Variants in LUZP2 observed in about 807,000 individuals in gnomAD.
LUZP2 encodes leucine zipper protein 2.
A neutral mutation model predicts 51.6 loss-of-function variants in LUZP2; 52 were observed. That is an observed-to-expected ratio of 1.01 (90% confidence interval 0.81 to 1.27). The LOEUF is 1.27. Ranked by LOEUF, LUZP2 falls within the 50% of genes most tolerant of loss-of-function variation. The pLI is 0.00. For missense variants in LUZP2, 436 were observed against 395.4 expected, an observed-to-expected ratio of 1.10 and a Z score of -0.87; for synonymous variants, 154 against 137.3, an observed-to-expected ratio of 1.12 and a Z score of -0.85.
chr11:24,676,833 T>G (rs1043168821), intron 1 of LUZP2, among the ~76,000 whole-genome samples: 1 of 151,916 alleles, frequency 6.6e-6, no homozygotes, highest in South Asian at 2.1e-4. Flanking sequence ...CTGGCTAATG[T>G]TTTTTATATT....
chr11:24,772,557 G>T (rs34807895), intron 5 of LUZP2, among the ~76,000 whole-genome samples: 12,196 of 152,110 alleles, frequency 0.08, 1,054 homozygotes, highest in African/African-American at 0.22. Flanking sequence ...TCTGTGAAAT[G>T]TTAGTCAACT....
chr11:25,035,921 C>A (rs7944787), intron 9 of LUZP2, among the ~76,000 whole-genome samples: 72,916 of 151,764 alleles, frequency 0.48, 17,824 homozygotes, highest in Non-Finnish European at 0.51. Context: ...TATTGGCCTA[C>A]ATTTTTTGTT....
At chr11:24,764,495 A>G (rs1035524311) in intron 5 of LUZP2, among the ~76,000 whole-genome samples, 1 of 126,690 alleles carries the variant, frequency 7.9e-6, no homozygotes, top group Admixed American at 7.6e-5. Flanking sequence ...ATCTCTAAAA[A>G]AAAAAAAAAA....
chr11:24,914,885 A>T (rs1355779711), intron 7 of LUZP2, among the ~76,000 whole-genome samples: 1 of 152,124 alleles, frequency 6.6e-6, no homozygotes, highest in Non-Finnish European at 1.5e-5. Flanking sequence ...TTTATTTTTC[A>T]AATCAGAATT....
intron 1 of LUZP2, among the ~76,000 whole-genome samples, chr11:24,543,920 G>T (rs939853321): frequency 1.4e-4 from 21 of 150,108 alleles, no homozygotes; most frequent in Non-Finnish European, 3.1e-4. Context: ...TAAAGATGAA[G>T]ATATGTGCTG....
intron 7 of LUZP2, among the ~76,000 whole-genome samples, chr11:24,919,602 A>T (rs1302135601): frequency 6.8e-6 from 1 of 146,272 alleles, no homozygotes; most frequent in African/African-American, 2.5e-5. Context: ...TTTTAATTTT[A>T]TGTAGATATA....
intron 1 of LUZP2, among the ~76,000 whole-genome samples, chr11:24,616,473 G>A (rs1046481502): frequency 2.4e-4 from 32 of 131,776 alleles, no homozygotes; most frequent in Non-Finnish European, 2.5e-4. Context: ...TTTGGCGTGC[G>A]CATGTGTGTG....
chr11:25,005,556 T>A (rs1856809172), intron 9 of LUZP2, among the ~76,000 whole-genome samples: 1 of 152,148 alleles, frequency 6.6e-6, no homozygotes, highest in South Asian at 2.1e-4. Context: ...TAGGATGCAT[T>A]TCCAGGGTGA....
chr11:24,829,038 G>A (rs1477650871), intron 5 of LUZP2, among the ~76,000 whole-genome samples: 1 of 152,136 alleles, frequency 6.6e-6, no homozygotes. Flanking sequence ...ATGAAACCCT[G>A]TTAGTTTCCT....
At chr11:24,722,885 A>G (rs569989590) in intron 1 of LUZP2, among the ~76,000 whole-genome samples, 4 of 151,886 alleles carry the variant, frequency 2.6e-5, no homozygotes, top group African/African-American at 9.7e-5. Context: ...CCACTGCACT[A>G]CAACCTGGGC....
At chr11:24,838,498 G>A (rs774966183) in intron 5 of LUZP2, among the ~76,000 whole-genome samples, 1 of 151,482 alleles carries the variant, frequency 6.6e-6, no homozygotes, top group Admixed American at 6.6e-5. Flanking sequence ...TGCATATATC[G>A]ATTATTAATG....
chr11:25,042,660 C>T (rs1018960260), intron 9 of LUZP2, among the ~76,000 whole-genome samples: 1 of 152,150 alleles, frequency 6.6e-6, no homozygotes, highest in Non-Finnish European at 1.5e-5. Context: ...CAGGACTATA[C>T]TTCCTCTAGG....
chr11:24,851,877 T>C (rs552186495), intron 5 of LUZP2, among the ~76,000 whole-genome samples: 1 of 152,314 alleles, frequency 6.6e-6, no homozygotes, highest in South Asian at 2.1e-4. Context: ...ATTTATCCAT[T>C]TCTTTTAGAT....
rs551462791 is a variant in LUZP2, at chr11:24,905,758, A to T, written c.397-233A>T. 7.9e-5 allele frequency among the ~76,000 whole-genome samples: 12 copies of T among 152,286 alleles called. No individual in the cohort carries two copies. The South Asian group carries it at 2.5e-3, about 32-fold the overall frequency. On this transcript the variant is annotated intron_variant, in intron 5 of 11. Transcript: ENST00000336930. ...TCTTTTCTCCCCACAATAGAATAAAACTAGAAATTACCTTTTTAAATGAAT... is the reference window on the plus strand; with the variant it reads ...TCTTTTCTCCCCACAATAGAATAAATCTAGAAATTACCTTTTTAAATGAAT...
intron 9 of LUZP2, among the ~76,000 whole-genome samples, chr11:25,010,377 A>G (rs1856946347): frequency 6.6e-6 from 1 of 151,050 alleles, no homozygotes; most frequent in African/African-American, 2.4e-5. Flanking sequence ...AATATGGTGA[A>G]ACCCTGTCTC....
At chr11:24,672,153 T>C (rs752095843) in intron 1 of LUZP2, among the ~76,000 whole-genome samples, 3 of 152,146 alleles carry the variant, frequency 2.0e-5, no homozygotes, top group Non-Finnish European at 2.9e-5. Flanking sequence ...GAAATACTTA[T>C]ATTATTATAT....
chr11:24,582,270 G>A (rs967351278), intron 1 of LUZP2, among the ~76,000 whole-genome samples: 2 of 145,346 alleles, frequency 1.4e-5, no homozygotes, highest in African/African-American at 2.5e-5. Flanking sequence ...TTTTTTAAAA[G>A]GAGTGTGGCT....
At chr11:24,709,383 T>C (rs963566326) in intron 1 of LUZP2, among the ~76,000 whole-genome samples, 8 of 152,144 alleles carry the variant, frequency 5.3e-5, no homozygotes, top group African/African-American at 1.7e-4. Context: ...CATGGGGTTA[T>C]AAAAGAGTAC....
At chr11:24,894,394 C>G (rs12282410) in intron 5 of LUZP2, among the ~76,000 whole-genome samples, 1 of 151,978 alleles carries the variant, frequency 6.6e-6, no homozygotes, top group Non-Finnish European at 1.5e-5. Flanking sequence ...AGCCTGGTAT[C>G]GAATTCCTGA....
Sources: allele counts gnomAD v4.1 joint callset (sites outside exome capture counted in the v4.1 genomes callset), GRCh38; gene constraint gnomAD v4.1.1; transcripts MANE v1.5; gene names NCBI Gene and HGNC (gene_info 2026-07-23, HGNC 2026-07-21).